ZNF148: variants seen among roughly 807,000 people sequenced by gnomAD.
ZNF148 encodes zinc finger protein 148.
Under a neutral mutation model 67.7 loss-of-function variants are expected in ZNF148, and 7 were observed. The observed-to-expected ratio is 0.10, with a 90% CI of 0.06 to 0.19. The LOEUF is 0.19. Among genes scored for constraint, ZNF148 ranks in the 10% least tolerant of loss-of-function variants. ZNF148 has a pLI of 1.00. For missense variants in ZNF148, 583 were observed against 947.1 expected, an observed-to-expected ratio of 0.62 and a Z score of 5.05; for synonymous variants, 333 against 330.7, an observed-to-expected ratio of 1.01 and a Z score of -0.08.
At chr3:125,332,398 A>G (rs1311574683) in intron 1 of ZNF148, among the ~76,000 whole-genome samples, 2 of 152,224 alleles carry the variant, frequency 1.3e-5, no homozygotes, top group Admixed American at 1.3e-4. Context: ...CAAAAGGATA[A>G]TAAAAGCTAT....
chr3:125,298,415 A>G (rs1444815471), intron 4 of ZNF148, among the ~76,000 whole-genome samples: 1 of 150,294 alleles, frequency 6.7e-6, no homozygotes, highest in Non-Finnish European at 1.5e-5. Flanking sequence ...CCCAGTAATA[A>G]CAAATGTCAA....
intron 7 of ZNF148, among the ~76,000 whole-genome samples, chr3:125,235,609 A>G (rs1403605410): frequency 6.6e-6 from 1 of 152,156 alleles, no homozygotes; most frequent in African/African-American, 2.4e-5. Flanking sequence ...CTTTCAACTC[A>G]ATAATCATTG....
At chr3:125,339,672 T>C (rs1436345445) in intron 1 of ZNF148, among the ~76,000 whole-genome samples, 1 of 152,160 alleles carries the variant, frequency 6.6e-6, no homozygotes, top group Non-Finnish European at 1.5e-5. Flanking sequence ...TAAAATAATA[T>C]AATTGGATTG....
rs1937527196 is a variant in ZNF148 at position 125,266,249 on chromosome 3, ACC to A, written c.667+11475_667+11476del. The stretch of plus-strand genomic sequence containing the variant: ...CTAATAGAGCTCTACAGTATACTCT[ACC>A]CAACAACCATAGAAAATACATTTTT... On this transcript the variant is annotated intron_variant, in intron 7 of 8. Coordinates refer to ENST00000360647, the MANE Select transcript of ZNF148 (RefSeq NM_021964.3). Among the ~76,000 whole-genome samples, 21 of 152,018 alleles carry A rather than the reference ACC, an allele frequency of 1.4e-4. No homozygotes were observed. In the Middle Eastern group the frequency reaches 0.01, roughly 74 times the overall value.
At chr3:125,257,020 TTC>T (rs1359863279) in intron 7 of ZNF148, among the ~76,000 whole-genome samples, 4 of 151,418 alleles carry the variant, frequency 2.6e-5, no homozygotes, top group Non-Finnish European at 5.9e-5. Context: ...GTAAAATTAT[TTC>T]TCTTTTCATC....
intron 1 of ZNF148, among the ~76,000 whole-genome samples, chr3:125,359,906 G>A (rs565502469): frequency 2.6e-5 from 4 of 152,264 alleles, no homozygotes; most frequent in Non-Finnish European, 4.4e-5. Flanking sequence ...GCTCCACGCC[G>A]CTGCTCCACC....
chr3:125,348,036 T>C (rs1942009288), intron 1 of ZNF148, among the ~76,000 whole-genome samples: 1 of 152,014 alleles, frequency 6.6e-6, no homozygotes, highest in South Asian at 2.1e-4. Context: ...AGGTGGATCA[T>C]TTGAGCCCAG....
chr3:125,284,811 T>C (rs1938570151), intron 5 of ZNF148, among the ~76,000 whole-genome samples: 1 of 152,158 alleles, frequency 6.6e-6, no homozygotes, highest in South Asian at 2.1e-4. Context: ...CCTAGCTCAG[T>C]TACCCTCTTC....
intron 1 of ZNF148, among the ~76,000 whole-genome samples, chr3:125,342,330 C>A (rs1941762132): frequency 6.9e-6 from 1 of 145,520 alleles, no homozygotes; most frequent in Admixed American, 7.0e-5. Flanking sequence ...ATTAAACATT[C>A]AAAAACTAAA....
At chr3:125,369,505 C>T (rs1205020917) in intron 1 of ZNF148, among the ~76,000 whole-genome samples, 12 of 150,230 alleles carry the variant, frequency 8.0e-5, no homozygotes, top group African/African-American at 2.9e-4. Context: ...ACTAGATACT[C>T]AATAAATAGG....
At chr3:125,295,408 G>A (rs541704791) in intron 4 of ZNF148, among the ~76,000 whole-genome samples, 2 of 151,324 alleles carry the variant, frequency 1.3e-5, no homozygotes, top group Non-Finnish European at 1.5e-5. Context: ...AGCCAGGATC[G>A]TGCCACTGCA....
intron 7 of ZNF148, among the ~76,000 whole-genome samples, chr3:125,270,435 G>A (rs934491221): frequency 5.3e-5 from 8 of 152,062 alleles, no homozygotes; most frequent in Admixed American, 5.2e-4. Flanking sequence ...AGGAGTTTGA[G>A]TTTAAAGAAG....
intron 1 of ZNF148, among the ~76,000 whole-genome samples, chr3:125,335,235 T>C (rs1018967983): frequency 6.6e-6 from 1 of 152,188 alleles, no homozygotes; most frequent in Non-Finnish European, 1.5e-5. Context: ...CCTAAAACAG[T>C]GCCTTACACA....
chr3:125,285,594 A>G (rs1040510111), intron 5 of ZNF148, among the ~76,000 whole-genome samples: 3 of 151,930 alleles, frequency 2.0e-5, no homozygotes, highest in Non-Finnish European at 2.9e-5. Flanking sequence ...GGGTTCCACA[A>G]TGTTGCCCAG....
intron 1 of ZNF148, among the ~76,000 whole-genome samples, chr3:125,361,223 C>G (rs1044414830): frequency 6.6e-6 from 1 of 152,038 alleles, no homozygotes; most frequent in Non-Finnish European, 1.5e-5. Context: ...TCTCCTACTC[C>G]TTCAGCTTGA....
intron 7 of ZNF148, among the ~76,000 whole-genome samples, chr3:125,247,184 T>C (rs1936638967): frequency 6.6e-6 from 1 of 152,216 alleles, no homozygotes; most frequent in Admixed American, 6.5e-5. Context: ...AATGGTTTTC[T>C]TTCCCTAGAA....
intron 7 of ZNF148, among the ~76,000 whole-genome samples, chr3:125,253,180 T>C (rs939884372): frequency 8.5e-5 from 13 of 152,216 alleles, no homozygotes; most frequent in African/African-American, 2.7e-4. Flanking sequence ...CATATCTCTT[T>C]ATAATGTTAA....
chr3:125,318,573 C>T (rs180945683), intron 3 of ZNF148, among the ~76,000 whole-genome samples: 1 of 152,206 alleles, frequency 6.6e-6, no homozygotes, highest in Non-Finnish European at 1.5e-5. Flanking sequence ...AAAGAAAATA[C>T]GTGGAGTAAT....
intron 1 of ZNF148, among the ~76,000 whole-genome samples, chr3:125,337,132 GC>G (rs1247755275): frequency 2.6e-5 from 4 of 151,962 alleles, no homozygotes; most frequent in Admixed American, 2.6e-4. Context: ...ATAGAAGCTG[GC>G]TGAGCAAAAT....
Sources: gnomAD v4.1 joint callset for allele counts (sites outside exome capture counted in the v4.1 genomes callset) on GRCh38, gnomAD v4.1.1 for gene constraint, MANE v1.5 for transcripts, NCBI Gene and HGNC (gene_info 2026-07-23, HGNC 2026-07-21) for gene names.